The following MYRIP variants were observed in gnomAD, a reference collection of about 807,000 sequenced individuals.
MYRIP encodes the protein myosin VIIA and Rab interacting protein, also known as rab effector MyRIP.
In MYRIP, 49 loss-of-function variants were observed where a neutral mutation model predicts 98.0. The observed-to-expected ratio is 0.50, with a 90% CI of 0.40 to 0.63. The LOEUF (loss-of-function observed/expected upper bound fraction) is 0.63. Among genes scored for constraint, MYRIP ranks in the 30% least tolerant of loss-of-function variants. The probability of loss-of-function intolerance (pLI) is 0.00; values close to 1 mark genes in which losing one functional copy is unlikely to be tolerated. For synonymous variants in MYRIP, 404 were observed against 409.5 expected, an observed-to-expected ratio of 0.99 and a Z score of 0.16; for missense variants, 1,004 against 1,058.2, an observed-to-expected ratio of 0.95 and a Z score of 0.71.
chr3:40,202,723 G>C (rs945628063), intron 10 of MYRIP, among the ~76,000 whole-genome samples: 1 of 151,980 alleles, frequency 6.6e-6, no homozygotes, highest in Non-Finnish European at 1.5e-5. Flanking sequence ...GTGTGACCTT[G>C]GGCAGTGCAC....
At chr3:40,169,675 A>G (rs538233631) in intron 7 of MYRIP, among the ~76,000 whole-genome samples, 86 of 152,366 alleles carry the variant, frequency 5.6e-4, no homozygotes, top group Admixed American at 1.3e-3. Flanking sequence ...AGCCTACACA[A>G]TACCTAACAT....
At chr3:40,210,139 G>T in intron 11 of MYRIP, 46 bp downstream of exon 11, 1 of 1,587,736 alleles carries the variant, frequency 6.3e-7, no homozygotes, top group South Asian at 1.2e-5. Flanking sequence ...CTTCTGCAGT[G>T]GGGTGTTGGA....
At chr3:39,941,887 A>G (rs949792706) in intron 2 of MYRIP, among the ~76,000 whole-genome samples, 2 of 152,062 alleles carry the variant, frequency 1.3e-5, no homozygotes, top group East Asian at 3.9e-4. Flanking sequence ...TGTGAAAAAT[A>G]AAACTTTTCC....
intron 4 of MYRIP, among the ~76,000 whole-genome samples, chr3:40,158,487 A>G (rs9799338): frequency 0.11 from 16,345 of 151,512 alleles, 1,933 homozygotes; most frequent in African/African-American, 0.3. Flanking sequence ...TTTGGGGTGG[A>G]GAGTTCTGTA....
At chr3:40,185,502 C>T (rs1018668001) in intron 9 of MYRIP, among the ~76,000 whole-genome samples, 3 of 151,956 alleles carry the variant, frequency 2.0e-5, no homozygotes, top group East Asian at 1.9e-4. Flanking sequence ...CCTGATGGAC[C>T]GGGAGACTGT....
chr3:40,247,618 G>T (rs567015400), intron 13 of MYRIP, among the ~76,000 whole-genome samples: 50 of 152,270 alleles, frequency 3.3e-4, no homozygotes, highest in African/African-American at 1.2e-3. Flanking sequence ...CCGCCTCCTG[G>T]GTTCAAGTGA....
At chr3:40,215,240 A>T (rs1351428979) in intron 11 of MYRIP, among the ~76,000 whole-genome samples, 1 of 152,180 alleles carries the variant, frequency 6.6e-6, no homozygotes, top group Admixed American at 6.5e-5. Context: ...AAGGGAGTCA[A>T]CAACCAGCAG....
intron 2 of MYRIP, among the ~76,000 whole-genome samples, chr3:39,911,944 C>T (rs2125681331): frequency 6.6e-6 from 1 of 152,332 alleles, no homozygotes; most frequent in South Asian, 2.1e-4. Context: ...GGAAATTCAT[C>T]AACAACCTCT....
At chr3:39,920,525 AG>A (rs1463357223) in intron 2 of MYRIP, among the ~76,000 whole-genome samples, 2 of 152,146 alleles carry the variant, frequency 1.3e-5, no homozygotes, top group African/African-American at 4.8e-5. Context: ...TCTTTTATTT[AG>A]GGAGGTTTTT....
chr3:39,922,945 C>A (rs1026391172), intron 2 of MYRIP, among the ~76,000 whole-genome samples: 7 of 149,184 alleles, frequency 4.7e-5, no homozygotes, highest in African/African-American at 1.7e-4. Context: ...TTTCAATGAG[C>A]AATTTCAAAC....
chr3:40,096,786 A>T (rs552942273), intron 3 of MYRIP, among the ~76,000 whole-genome samples: 2 of 152,372 alleles, frequency 1.3e-5, no homozygotes, highest in South Asian at 4.1e-4. Flanking sequence ...GGGCAAAGGC[A>T]TCGGCATCTT....
intron 2 of MYRIP, among the ~76,000 whole-genome samples, chr3:40,019,372 T>A (rs753028400): frequency 6.6e-6 from 1 of 152,146 alleles, no homozygotes; most frequent in Non-Finnish European, 1.5e-5. Flanking sequence ...GTGTCTTCTC[T>A]CCCTACAATA....
chr3:39,999,587 C>G (rs889680021), intron 2 of MYRIP, among the ~76,000 whole-genome samples: 2 of 148,884 alleles, frequency 1.3e-5, no homozygotes, highest in East Asian at 4.0e-4. Flanking sequence ...GGACTGTAAA[C>G]TAGTTTCAAC....
chr3:39,920,337 G>T (rs2125690148), intron 2 of MYRIP, among the ~76,000 whole-genome samples: 1 of 152,108 alleles, frequency 6.6e-6, no homozygotes, highest in South Asian at 2.1e-4. Flanking sequence ...ATTATTATTA[G>T]ATTATTCTCT....
chr3:40,164,289 T>G (rs1214681464), intron 5 of MYRIP, among the ~76,000 whole-genome samples: 2 of 152,212 alleles, frequency 1.3e-5, no homozygotes, highest in East Asian at 1.9e-4. Flanking sequence ...GCCATCTGTA[T>G]CAGCAGTGTT....
At chr3:39,978,044 A>G (rs188188131) in intron 2 of MYRIP, among the ~76,000 whole-genome samples, 2 of 152,272 alleles carry the variant, frequency 1.3e-5, no homozygotes, top group East Asian at 3.9e-4. Context: ...TCATCTCAAC[A>G]GGACACCTGA....
At chr3:40,063,338 T>C (rs1268343645) in intron 3 of MYRIP, among the ~76,000 whole-genome samples, 1 of 152,188 alleles carries the variant, frequency 6.6e-6, no homozygotes, top group East Asian at 1.9e-4. Context: ...AATTTAAAAT[T>C]TCCCTGAATT....
chr3:40,244,329 C>T, intron 12 of MYRIP, 117 bp from the exon 13 acceptor site: 1 of 812,290 alleles, frequency 1.2e-6, no homozygotes, highest in Non-Finnish European at 1.8e-6. Flanking sequence ...ATAACATCCC[C>T]CCTGCAATGT....
chr3:40,133,939 C>T (rs1202093900), intron 3 of MYRIP, among the ~76,000 whole-genome samples: 1 of 152,180 alleles, frequency 6.6e-6, no homozygotes, highest in Non-Finnish European at 1.5e-5. Flanking sequence ...TTCCAGTCTA[C>T]AGCTCCCAGC....
Sources: gnomAD v4.1 joint callset for allele counts (sites outside exome capture counted in the v4.1 genomes callset) on GRCh38, gnomAD v4.1.1 for gene constraint, MANE v1.5 for transcripts, NCBI Gene and HGNC (gene_info 2026-07-23, HGNC 2026-07-21) for gene names.